The following MYO3B variants were observed in gnomAD, a reference collection of about 807,000 sequenced individuals.
The protein encoded by MYO3B is myosin IIIB.
MYO3B carries 156 observed loss-of-function variants against 174.6 expected under a neutral mutation model. The ratio of observed to expected loss-of-function variants is 0.89; its 90% CI spans 0.78 to 1.02. The LOEUF is 1.02. Ranked by LOEUF, MYO3B falls within the 50% of genes least tolerant of loss-of-function variation. The pLI is 0.00. For synonymous variants in MYO3B, 563 were observed against 569.1 expected, an observed-to-expected ratio of 0.99 and a Z score of 0.15; for missense variants, 1,632 against 1,639.4, an observed-to-expected ratio of 1.00 and a Z score of 0.08.
intron 1 of MYO3B, among the ~76,000 whole-genome samples, chr2:170,190,630 C>A (rs1407507851): frequency 6.6e-6 from 1 of 152,112 alleles, no homozygotes; most frequent in Non-Finnish European, 1.5e-5. Flanking sequence ...TGGCCACCAC[C>A]CAGGCCATAG....
chr2:170,387,526 G>A (rs1327900141), intron 14 of MYO3B, among the ~76,000 whole-genome samples: 3 of 152,100 alleles, frequency 2.0e-5, no homozygotes, highest in Non-Finnish European at 2.9e-5. Flanking sequence ...TTAGGGATGG[G>A]TATGCTTGTT....
chr2:170,593,789 G>A (rs1019407812), intron 32 of MYO3B, among the ~76,000 whole-genome samples: 10 of 152,192 alleles, frequency 6.6e-5, no homozygotes, highest in Non-Finnish European at 1.3e-4. Flanking sequence ...CCACTGTTTT[G>A]TTTCCAGCTC....
intron 7 of MYO3B, among the ~76,000 whole-genome samples, chr2:170,326,668 T>C (rs2093871018): frequency 6.6e-6 from 1 of 152,226 alleles, no homozygotes; most frequent in Admixed American, 6.5e-5. Flanking sequence ...TTATGCGTCC[T>C]GTGTTTGCGT....
intron 25 of MYO3B, among the ~76,000 whole-genome samples, chr2:170,475,441 A>G (rs1351473651): frequency 6.6e-6 from 1 of 152,104 alleles, no homozygotes; most frequent in Non-Finnish European, 1.5e-5. Context: ...TGTAGGGACA[A>G]TATCTCATTA....
At chr2:170,335,541 G>C (rs2093941616) in intron 8 of MYO3B, 91 bp downstream of exon 8, 2 of 1,005,820 alleles carry the variant, frequency 2.0e-6, no homozygotes. Flanking sequence ...CTTGACACTA[G>C]AGGTTGTTAT....
At position 170,271,142 on chromosome 2, in the gene MYO3B, T is replaced by A. The variant is rs1446994256; in HGVS notation, c.749+35006T>A. Among the ~76,000 whole-genome samples, 4 of 152,276 alleles carry A rather than the reference T, an allele frequency of 2.6e-5. No homozygotes were observed. The East Asian group carries it at 7.7e-4, about 29-fold the overall frequency. On this transcript the variant is annotated intron_variant, in intron 7 of 34. Transcript: ENST00000408978. ...AACCTGGTTTCCAGGGGTTCAGAAA[T>A]GAGAAAGACTTCTTCCTTTCCCCTT...
intron 8 of MYO3B, among the ~76,000 whole-genome samples, chr2:170,355,150 T>C (rs2094110514): frequency 6.6e-6 from 1 of 152,142 alleles, no homozygotes; most frequent in African/African-American, 2.4e-5. Flanking sequence ...AGATGACAGG[T>C]GACAGGCATG....
rs549891049 is a variant in MYO3B, at chr2:170,256,892, A to G, written c.749+20756A>G. ...CCCTGTAATGGCACCCATAGACTCA[A>G]AGTAAAGAAATGAACAGCTATCATG... On this transcript the variant is annotated intron_variant, in intron 7 of 34. Coordinates refer to ENST00000408978, the MANE Select transcript of MYO3B (RefSeq NM_138995.5). Among the ~76,000 whole-genome samples, 133 of 152,300 alleles carry G rather than the reference A, an allele frequency of 8.7e-4. 1 individual carries two copies. Among genetic ancestry groups the G allele is most frequent in the African/African-American group, 3.0e-3 (125 of 41,574 alleles).
At chr2:170,540,826 T>C (rs1690051997) in intron 30 of MYO3B, among the ~76,000 whole-genome samples, 2 of 152,198 alleles carry the variant, frequency 1.3e-5, no homozygotes, top group Admixed American at 1.3e-4. Flanking sequence ...AAGGGTCCAT[T>C]GTTAAAATAA....
chr2:170,342,589 G>C (rs928974451), intron 8 of MYO3B, among the ~76,000 whole-genome samples: 1 of 152,184 alleles, frequency 6.6e-6, no homozygotes, highest in East Asian at 1.9e-4. Flanking sequence ...ATTGGGGCTA[G>C]AGTAGTATCG....
chr2:170,199,204 C>T lies in MYO3B; in HGVS notation c.3-4C>T, dbSNP rs772409028. On this transcript the variant is annotated splice_polypyrimidine_tract_variant and splice_region_variant and intron_variant, in intron 1 of 34. Transcript: ENST00000408978. Reference sequence around the variant, plus strand: ...TGCACATAACAAATTTTTCCCCCAACCAGGAAACATCTGTATGGATTATTT... The same window carrying T: ...TGCACATAACAAATTTTTCCCCCAATCAGGAAACATCTGTATGGATTATTT... The T allele has an allele frequency of 6.3e-7, 1 of 1,583,352 alleles. No individual in the cohort carries two copies. Among genetic ancestry groups the T allele is most frequent in the South Asian group, 1.2e-5 (1 of 85,014 alleles).
At chr2:170,195,501 C>T (rs2092589257) in intron 1 of MYO3B, among the ~76,000 whole-genome samples, 1 of 152,082 alleles carries the variant, frequency 6.6e-6, no homozygotes, top group Non-Finnish European at 1.5e-5. Flanking sequence ...CACTGAGAGC[C>T]ACCTCCACCA....
intron 7 of MYO3B, among the ~76,000 whole-genome samples, chr2:170,326,472 G>A (rs1363662922): frequency 6.6e-6 from 1 of 152,178 alleles, no homozygotes; most frequent in East Asian, 1.9e-4. Context: ...GACAATAACA[G>A]TTGGAACTGA....
intron 32 of MYO3B, among the ~76,000 whole-genome samples, chr2:170,587,499 C>G (rs892300668): frequency 1.3e-5 from 2 of 152,216 alleles, no homozygotes; most frequent in African/African-American, 4.8e-5. Context: ...TATTGCTCAC[C>G]AGTCAGGTAC....
At chr2:170,607,006 G>C (rs1278346070) in intron 32 of MYO3B, among the ~76,000 whole-genome samples, 1 of 152,066 alleles carries the variant, frequency 6.6e-6, no homozygotes, top group Non-Finnish European at 1.5e-5. Flanking sequence ...GGCAAAAAAA[G>C]CGAAACTCCG....
chr2:170,531,766 C>G (rs1035074586), intron 30 of MYO3B, among the ~76,000 whole-genome samples: 2 of 151,944 alleles, frequency 1.3e-5, no homozygotes, highest in African/African-American at 4.8e-5. Context: ...AATAAGATAT[C>G]ATGAGTCCAT....
At chr2:170,337,085 G>T (rs1291236286) in intron 8 of MYO3B, among the ~76,000 whole-genome samples, 1 of 151,898 alleles carries the variant, frequency 6.6e-6, no homozygotes, top group Non-Finnish European at 1.5e-5. Context: ...AGGTGATGGT[G>T]TCAGGCCATG....
intron 7 of MYO3B, among the ~76,000 whole-genome samples, chr2:170,272,758 A>C (rs1282150163): frequency 6.6e-6 from 1 of 152,164 alleles, no homozygotes; most frequent in Non-Finnish European, 1.5e-5. Context: ...TCATAAAAGG[A>C]CAAGTTTGGC....
chr2:170,548,495 G>A (rs888394971), intron 32 of MYO3B, among the ~76,000 whole-genome samples: 8 of 152,144 alleles, frequency 5.3e-5, no homozygotes, highest in Non-Finnish European at 1.0e-4. Flanking sequence ...TATGAGTAGT[G>A]AGGGTTTAGT....
Sources: gnomAD v4.1 joint callset for allele counts (sites outside exome capture counted in the v4.1 genomes callset) on GRCh38, gnomAD v4.1.1 for gene constraint, MANE v1.5 for transcripts, NCBI Gene and HGNC (gene_info 2026-07-23, HGNC 2026-07-21) for gene names.